FGF10: variants seen among roughly 807,000 people sequenced by gnomAD.
FGF10 encodes fibroblast growth factor 10.
Under a neutral mutation model 19.8 loss-of-function variants are expected in FGF10, and 2 were observed. That is an observed-to-expected ratio of 0.10 (90% confidence interval 0.04 to 0.32). FGF10 has a LOEUF of 0.32. Ranked by LOEUF, FGF10 falls within the 10% of genes least tolerant of loss-of-function variation. The pLI is 1.00. For synonymous variants in FGF10, 112 were observed against 94.0 expected (o/e 1.19, Z -1.10); for missense variants, 191 against 246.3 (o/e 0.78, Z 1.50).
rs532612382 is a variant in FGF10, at chr5:44,379,867, C to T, written c.325+8491G>A. On this transcript the variant is annotated intron_variant, in intron 1 of 2. Transcript: ENST00000264664. ...AGTATGTGTCTAAACACTCTAGGGC[C>T]TCTTCTCTTTTTCTACTTTTCCCTC... is the stretch of plus-strand genomic sequence containing the variant. 9.1e-4 allele frequency among the ~76,000 whole-genome samples: 139 copies of T among 152,262 alleles called. 1 individual carries two copies. The highest frequency in any genetic ancestry group is 3.2e-3 in the African/African-American group (134 of 41,558).
At chr5:44,340,006 G>T (rs1036599282) in intron 1 of FGF10, among the ~76,000 whole-genome samples, 6 of 152,108 alleles carry the variant, frequency 3.9e-5, no homozygotes, top group African/African-American at 1.4e-4. Flanking sequence ...ATGAGAGGCT[G>T]GGAGTGAAGA....
intron 1 of FGF10, among the ~76,000 whole-genome samples, chr5:44,331,788 A>G (rs921543453): frequency 6.6e-6 from 1 of 152,084 alleles, no homozygotes; most frequent in Non-Finnish European, 1.5e-5. Context: ...TTAATAACAC[A>G]TAACCAAAGA....
At chr5:44,367,145 A>T (rs919207311) in intron 1 of FGF10, among the ~76,000 whole-genome samples, 4 of 152,102 alleles carry the variant, frequency 2.6e-5, no homozygotes, top group Non-Finnish European at 5.9e-5. Flanking sequence ...TTCACACTAT[A>T]AAAGTATTTT....
intron 1 of FGF10, among the ~76,000 whole-genome samples, chr5:44,351,513 A>T (rs1380509104): frequency 6.6e-6 from 1 of 151,622 alleles, no homozygotes; most frequent in East Asian, 1.9e-4. Flanking sequence ...GAGAACTATA[A>T]GTAAAACTAA....
chr5:44,357,118 T>TA (rs11307970), intron 1 of FGF10, among the ~76,000 whole-genome samples: 72 of 149,990 alleles, frequency 4.8e-4, no homozygotes, highest in Admixed American at 8.0e-4. Context: ...AAGATTTTCA[T>TA]AAAAAAAAAA....
rs572422485 is a variant in FGF10, at chr5:44,389,055, G to T, written c.-373C>A. 8.9e-5 allele frequency: 31 copies of T among 349,846 alleles called. No homozygotes were observed. The highest frequency in any genetic ancestry group is 1.4e-4 in the Non-Finnish European group (25 of 180,486). 21.7% of individuals were successfully genotyped at this position (349,846 alleles called of 1,614,324 possible). On this transcript the variant is annotated 5_prime_UTR_variant, in exon 1 of 3. Transcript: ENST00000264664. ...CTTCACCATGTTAGATGCCAAAAAG[G>T]TCTGAAAAACAGATGACAGCACGGT...
At chr5:44,369,629 C>T (rs1292698483) in intron 1 of FGF10, among the ~76,000 whole-genome samples, 1 of 152,056 alleles carries the variant, frequency 6.6e-6, no homozygotes, top group Non-Finnish European at 1.5e-5. Flanking sequence ...ATCTTCTCTT[C>T]CCTCCCTCCA....
At chr5:44,330,237 T>C (rs747884477) in intron 1 of FGF10, among the ~76,000 whole-genome samples, 39 of 152,346 alleles carry the variant, frequency 2.6e-4, no homozygotes, top group East Asian at 1.4e-3. Context: ...TCTCAACATA[T>C]GGCTTATGTT....
At chr5:44,384,712 G>T (rs1191948587) in intron 1 of FGF10, among the ~76,000 whole-genome samples, 3 of 152,054 alleles carry the variant, frequency 2.0e-5, no homozygotes, top group Non-Finnish European at 2.9e-5. Flanking sequence ...GTTGATAGTT[G>T]TAGGACTATT....
At chr5:44,306,344 C>A (rs904206486) in intron 2 of FGF10, among the ~76,000 whole-genome samples, 1 of 152,158 alleles carries the variant, frequency 6.6e-6, no homozygotes, top group Non-Finnish European at 1.5e-5. Flanking sequence ...TTGCAGTGAG[C>A]CGAGATCATT....
At chr5:44,307,257 T>A (rs1238705528) in intron 2 of FGF10, among the ~76,000 whole-genome samples, 1 of 152,134 alleles carries the variant, frequency 6.6e-6, no homozygotes, top group African/African-American at 2.4e-5. Flanking sequence ...AAAATATATG[T>A]TGTTGACAGG....
chr5:44,336,988 A>G lies in FGF10; in HGVS notation c.326-26458T>C, dbSNP rs183478141. ...TGAGCCTCAAATTTTCTTAGATCCT[A>G]TATTCCCTGACAGCTGACTCAAACT... On this transcript the variant is annotated intron_variant, in intron 1 of 2. Coordinates refer to ENST00000264664, the MANE Select transcript of FGF10 (RefSeq NM_004465.2). Among the ~76,000 whole-genome samples the G allele has an allele frequency of 2.1e-3, 318 of 152,240 alleles. 2 individuals carry two copies. The highest frequency in any genetic ancestry group is 7.4e-3 in the African/African-American group (307 of 41,558).
intron 1 of FGF10, among the ~76,000 whole-genome samples, chr5:44,345,050 G>A (rs1741056617): frequency 6.6e-6 from 1 of 151,636 alleles, no homozygotes; most frequent in Non-Finnish European, 1.5e-5. Flanking sequence ...CATATATTAT[G>A]TATATACACT....
chr5:44,320,966 C>A (rs1740471802), intron 1 of FGF10, among the ~76,000 whole-genome samples: 1 of 151,816 alleles, frequency 6.6e-6, no homozygotes, highest in Non-Finnish European at 1.5e-5. Context: ...CCACCTAGGC[C>A]TCCCAAAGTG....
intron 1 of FGF10, among the ~76,000 whole-genome samples, chr5:44,325,128 G>A (rs1368034063): frequency 6.6e-6 from 1 of 152,104 alleles, no homozygotes; most frequent in Non-Finnish European, 1.5e-5. Context: ...AAAGACACAT[G>A]AAAAAATGCT....
chr5:44,365,866 C>T (rs546550957), intron 1 of FGF10, among the ~76,000 whole-genome samples: 1 of 152,040 alleles, frequency 6.6e-6, no homozygotes, highest in African/African-American at 2.4e-5. Flanking sequence ...ACATTTGGCT[C>T]TTCCTTCAAA....
At chr5:44,366,127 C>CTTTTTTTTTTTTTTTTTTTTTTTTTTTT (rs35522683) in intron 1 of FGF10, among the ~76,000 whole-genome samples, 2 of 74,810 alleles carry the variant, frequency 2.7e-5, no homozygotes, top group African/African-American at 5.1e-5. Context: ...CAATTATTTC[C>CTTTTTTTTTTTTTTTTTTTTTTTTTTTT]TTTTTTTTTT....
intron 1 of FGF10, among the ~76,000 whole-genome samples, chr5:44,335,956 T>G (rs2111773862): frequency 6.6e-6 from 1 of 152,210 alleles, no homozygotes; most frequent in African/African-American, 2.4e-5. Flanking sequence ...TTCAAATGTT[T>G]GACCAACTAG....
chr5:44,379,379 C>A (rs1046700224), intron 1 of FGF10, among the ~76,000 whole-genome samples: 14 of 152,308 alleles, frequency 9.2e-5, no homozygotes, highest in African/African-American at 3.1e-4. Context: ...TATACGATCT[C>A]ATTTCATCTT....
Sources: allele counts gnomAD v4.1 joint callset (sites outside exome capture counted in the v4.1 genomes callset), GRCh38; gene constraint gnomAD v4.1.1; transcripts MANE v1.5; gene names NCBI Gene and HGNC (gene_info 2026-07-23, HGNC 2026-07-21).